Variants in SLC35A5 observed in about 807,000 individuals in gnomAD.
SLC35A5 encodes UDP-sugar transporter protein SLC35A5.
SLC35A5 carries 28 observed loss-of-function variants against 36.3 expected under a neutral mutation model. The observed-to-expected ratio is 0.77, with a 90% CI of 0.57 to 1.06. SLC35A5 has a LOEUF of 1.06. Among genes scored for constraint, SLC35A5 ranks in the 50% least tolerant of loss-of-function variants. The pLI is 0.00. For synonymous variants in SLC35A5, 180 were observed against 173.7 expected (o/e 1.04, Z -0.29); for missense variants, 521 against 499.3 (o/e 1.04, Z -0.41).
rs1385664654 is a variant in SLC35A5, at chr3:112,569,255, G to A, written c.215G>A (p.Cys72Tyr). The change falls in exon 3 of 7, where the codon TGT (cysteine) becomes TAT (tyrosine). Residue 72 changes from cysteine to tyrosine, a missense_variant. Transcript: ENST00000492406. ...KLVFCVLVSF[C>Y]VIKKDHQSRN... ...GTTTTCTGTGTGCTTGTGTCATTCT[G>A]TGTTATAAAGAAAGGTAAGTCTTGA... The A allele has an allele frequency of 6.2e-7, 1 of 1,613,760 alleles. No homozygotes were observed. Among genetic ancestry groups the A allele is most frequent in the South Asian group, 1.1e-5 (1 of 91,046 alleles).
rs1444142694 is a variant in SLC35A5 at position 112,583,465 on chromosome 3, G to A, written c.*729G>A. 1.3e-5 allele frequency: 3 copies of A among 224,882 alleles called. No homozygotes were observed. The highest frequency in any genetic ancestry group is 2.6e-5 in the Non-Finnish European group (3 of 116,306). The allele number at this position is 224,882 out of a possible 1,614,324, so 13.9% of individuals were successfully genotyped here. A position where few individuals can be genotyped will look rare whatever the true frequency, so the allele number is the denominator to read the frequency against. On this transcript the variant is annotated 3_prime_UTR_variant, in exon 7 of 7. Coordinates refer to ENST00000492406, the MANE Select transcript of SLC35A5 (RefSeq NM_017945.5). ...AGTCATTTAAACAAGCCACGGTGGG[G>A]CTTTTTTCTCCTCAGTTTGAGGAGA... is the stretch of plus-strand genomic sequence containing the variant.
chr3:112,565,378 A>G (rs1178979591), intron 2 of SLC35A5, among the ~76,000 whole-genome samples: 1 of 152,220 alleles, frequency 6.6e-6, no homozygotes, highest in East Asian at 1.9e-4. Context: ...AGTCAAGGTG[A>G]ACAAGGGGAT....
intron 2 of SLC35A5, among the ~76,000 whole-genome samples, chr3:112,567,772 C>T (rs904112166): frequency 3.3e-5 from 5 of 152,126 alleles, no homozygotes; most frequent in East Asian, 1.9e-4. Flanking sequence ...TGGGATCGGC[C>T]GTGAAAGGAC....
In SLC35A5 at chr3:112,582,697, C is replaced by T; in HGVS notation, c.1236C>T (p.Thr412=). ...ATGGAGAAGAACTAGAAAGACTTAC[C>T]AAACCCAAGAGTGATGAGTCAGATG... is the stretch of plus-strand genomic sequence containing the variant. ...SGDGEELERL[T]KPKSDESDED... is the part of the protein sequence containing the mutation. Residue 412 remains threonine (T), a synonymous_variant, in exon 7 of 7, where the codon ACC becomes ACT. Coordinates refer to ENST00000492406, the MANE Select transcript of SLC35A5 (RefSeq NM_017945.5). The T allele has an allele frequency of 6.2e-7, 1 of 1,612,554 alleles. No individual in the cohort carries two copies. The highest frequency in any genetic ancestry group is 8.5e-7 in the Non-Finnish European group (1 of 1,179,040).
At chr3:112,574,490 A>G (rs1319626394) in intron 5 of SLC35A5, among the ~76,000 whole-genome samples, 8 of 152,168 alleles carry the variant, frequency 5.3e-5, no homozygotes, top group South Asian at 2.1e-4. Context: ...AGTTTTTACT[A>G]TCTCCAAGAG....
At chr3:112,576,688 T>G (rs2107440779) in intron 5 of SLC35A5, among the ~76,000 whole-genome samples, 1 of 152,334 alleles carries the variant, frequency 6.6e-6, no homozygotes, top group Admixed American at 6.5e-5. Context: ...CTTAGCATAT[T>G]GTCTTCACGG....
chr3:112,575,948 C>CA (rs1376923517), intron 5 of SLC35A5, among the ~76,000 whole-genome samples: 1 of 151,902 alleles, frequency 6.6e-6, no homozygotes, highest in Non-Finnish European at 1.5e-5. Context: ...TTAGTAGAGA[C>CA]AGAGTTTCAC....
chr3:112,582,856 T>C lies in SLC35A5; in HGVS notation c.*120T>C. On this transcript the variant is annotated 3_prime_UTR_variant, in exon 7 of 7. Coordinates refer to ENST00000492406, the MANE Select transcript of SLC35A5 (RefSeq NM_017945.5). ...TTTCTAAATCCTAATATTCTTTGCA[T>C]ATATCTAGCTACTCCCTAAATGGTT... The C allele has an allele frequency of 1.2e-6, 1 of 818,512 alleles. No homozygotes were observed. Among genetic ancestry groups the C allele is most frequent in the South Asian group, 1.8e-5 (1 of 55,758 alleles). The allele number at this position is 818,512 out of a possible 1,614,324, so 50.7% of individuals were successfully genotyped here.
At chr3:112,565,542 C>A (rs1437375590) in intron 2 of SLC35A5, among the ~76,000 whole-genome samples, 1 of 152,168 alleles carries the variant, frequency 6.6e-6, no homozygotes, top group Non-Finnish European at 1.5e-5. Flanking sequence ...CTTTAGGAGG[C>A]CAAGGCCGGC....
chr3:112,574,529 G>A (rs1271944914), intron 5 of SLC35A5, among the ~76,000 whole-genome samples: 1 of 152,116 alleles, frequency 6.6e-6, no homozygotes, highest in Non-Finnish European at 1.5e-5. Flanking sequence ...ACATTTTTAA[G>A]TAAATTAAGC....
chr3:112,580,363 A>T (rs763507466), intron 5 of SLC35A5, among the ~76,000 whole-genome samples, 183 bp from the exon 6 acceptor site: 5 of 152,186 alleles, frequency 3.3e-5, no homozygotes, highest in African/African-American at 4.8e-5. Context: ...ATAAAAATGA[A>T]TTAAAACATT....
intron 1 of SLC35A5, among the ~76,000 whole-genome samples, 175 bp from the exon 2 acceptor site, chr3:112,563,210 C>T (rs571788119): frequency 2.0e-5 from 3 of 152,232 alleles, no homozygotes; most frequent in Non-Finnish European, 4.4e-5. Flanking sequence ...AGTACTCCCT[C>T]TTATCAGATT....
rs1036970748 is a variant in SLC35A5, at chr3:112,581,470, T to C, written c.1209+144T>C. The C allele has an allele frequency of 1.3e-5, 11 of 864,916 alleles. No individual in the cohort carries two copies. The African/African-American group carries it at 1.7e-4, about 13-fold the overall frequency. 53.6% of individuals were successfully genotyped at this position (864,916 alleles called of 1,614,324 possible). A position where few individuals can be genotyped will look rare whatever the true frequency, so the allele number is the denominator to read the frequency against. On this transcript the variant is annotated intron_variant, in intron 6 of 6. Transcript: ENST00000492406. ...TTAAAACCGAATCAACAAACATTCC[T>C]TTTACTCCTGATGTTTGCAAGGGCT...
At chr3:112,575,410 TATA>T (rs1338374946) in intron 5 of SLC35A5, among the ~76,000 whole-genome samples, 1 of 152,182 alleles carries the variant, frequency 6.6e-6, no homozygotes, top group Non-Finnish European at 1.5e-5. Flanking sequence ...AGTCCTATCC[TATA>T]ATAAGTATTC....
At chr3:112,561,418 A>G (rs372758373), upstream of SLC35A5, 4 of 1,601,408 alleles carry the variant, frequency 2.5e-6, no homozygotes, top group African/African-American at 2.7e-5. Context: ...AAAGTCGAGC[A>G]TGTGCCTGAC....
intron 2 of SLC35A5, among the ~76,000 whole-genome samples, chr3:112,567,010 A>G (rs1043535873): frequency 1.4e-4 from 22 of 152,082 alleles, no homozygotes; most frequent in Non-Finnish European, 7.4e-5. Context: ...GTGGATCACG[A>G]GGTCAGGAGA....
intron 2 of SLC35A5, among the ~76,000 whole-genome samples, chr3:112,563,819 T>C (rs920511911): frequency 6.6e-6 from 1 of 152,148 alleles, no homozygotes; most frequent in African/African-American, 2.4e-5. Flanking sequence ...TCTGGACCTA[T>C]AGCAAAATGT....
intron 2 of SLC35A5, among the ~76,000 whole-genome samples, chr3:112,565,147 A>G (rs889089138): frequency 1.3e-5 from 2 of 152,230 alleles, no homozygotes; most frequent in African/African-American, 2.4e-5. Flanking sequence ...TTCAAAGTGC[A>G]TAAGATATAG....
intron 2 of SLC35A5, among the ~76,000 whole-genome samples, chr3:112,564,935 G>C (rs943355861): frequency 3.3e-5 from 5 of 152,160 alleles, no homozygotes; most frequent in Admixed American, 2.0e-4. Context: ...ACAGATTGCA[G>C]AACAAAATGG....
Sources: gnomAD v4.1 joint callset for allele counts (sites outside exome capture counted in the v4.1 genomes callset) on GRCh38, gnomAD v4.1.1 for gene constraint, MANE v1.5 for transcripts, NCBI Gene and HGNC (gene_info 2026-07-23, HGNC 2026-07-21) for gene names.